The following EFHC2 variants were observed in gnomAD, a reference collection of about 807,000 sequenced individuals.
The protein encoded by EFHC2 is EF-hand domain-containing family member C2.
Under a neutral mutation model 52.7 loss-of-function variants are expected in EFHC2, and 18 were observed. That is an observed-to-expected ratio of 0.34 (90% CI 0.24 to 0.51). The LOEUF (loss-of-function observed/expected upper bound fraction) is 0.51. EFHC2 is among the 20% of genes least tolerant of loss of function. The pLI is 0.97. For missense variants in EFHC2, 513 were observed against 562.5 expected, an observed-to-expected ratio of 0.91 and a Z score of 0.89; for synonymous variants, 203 against 204.1, an observed-to-expected ratio of 0.99 and a Z score of 0.04.
intron 13 of EFHC2, among the ~76,000 whole-genome samples, chrX:44,169,689 G>A (rs1349187199): frequency 1.8e-5 from 2 of 108,928 alleles, no homozygotes; most frequent in African/African-American, 3.4e-5. Context: ...CCTATAGGGT[G>A]TTAAGCACAA....
In EFHC2 at chrX:44,261,284, G is replaced by A. The variant is rs1191681578; in HGVS notation, c.397C>T (p.Arg133Cys). 16 of 1,188,119 alleles carry A rather than the reference G, an allele frequency of 1.3e-5. No homozygotes were observed. Among genetic ancestry groups the A allele is most frequent in the Non-Finnish European group, 1.5e-5 (13 of 882,182 alleles). ...GGAGGCGGAAGAGTAATCCGATGAC[G>A]CCGGATAGAAGTCCCTATGGCATGA... is the stretch of plus-strand genomic sequence containing the variant. ...SGLLQGTSIR[R>C]HRITLPPPDE... The change falls in exon 4 of 15, where the codon CGT becomes TGT. Residue 133 changes from arginine to cysteine, a missense_variant. Physicochemically the swap from Arg to Cys is radical, Grantham distance 180. Coordinates refer to ENST00000420999, the MANE Select transcript of EFHC2 (RefSeq NM_025184.4).
intron 13 of EFHC2, among the ~76,000 whole-genome samples, chrX:44,174,659 G>A (rs1308885997): frequency 1.0e-5 from 1 of 99,537 alleles, no homozygotes; most frequent in Admixed American, 1.1e-4. Context: ...AAAGGGGGGG[G>A]GAGGGGGAAG....
At chrX:44,187,666 C>T (rs1160500702) in intron 11 of EFHC2, among the ~76,000 whole-genome samples, 1 of 111,181 alleles carries the variant, frequency 9.0e-6, no homozygotes, top group Non-Finnish European at 1.9e-5. Context: ...TGTGTGCCTG[C>T]AGTCCCAGCT....
At chrX:44,164,058 C>T in intron 13 of EFHC2, 31 bp from the exon 14 acceptor site, 7 of 947,396 alleles carry the variant, frequency 7.4e-6, no homozygotes, top group Non-Finnish European at 9.9e-6. Context: ...TATAATTTGA[C>T]TCAATCTGCA....
rs759044467 is a variant in EFHC2 at position 44,277,121 on chromosome X, TG to T, written c.232-4286del. Among the ~76,000 whole-genome samples the T allele has an allele frequency of 6.4e-5, 7 of 109,720 alleles. No homozygotes were observed. The Admixed American group carries it at 6.8e-4, about 11-fold the overall frequency. On this transcript the variant is annotated intron_variant, in intron 2 of 14. Transcript: ENST00000420999. ...AAAAATACAAAAAATTAGCCAGGTG[TG>T]GGGGCGGGTGCCCGTAGTCCCAGCT...
intron 2 of EFHC2, among the ~76,000 whole-genome samples, chrX:44,300,982 C>T (rs753478759): frequency 9.2e-6 from 1 of 108,737 alleles, no homozygotes; most frequent in Non-Finnish European, 1.9e-5. Flanking sequence ...TGGTGGCACA[C>T]GCCTGTAGTC....
chrX:44,232,761 G>T, intron 9 of EFHC2, 84 bp from the exon 10 acceptor site: 1 of 885,819 alleles, frequency 1.1e-6, no homozygotes, highest in Non-Finnish European at 1.6e-6. Context: ...TTATCTTCAA[G>T]CACAGACCAC....
At chrX:44,271,299 A>T (rs759999533) in intron 3 of EFHC2, among the ~76,000 whole-genome samples, 2 of 111,656 alleles carry the variant, frequency 1.8e-5, no homozygotes, top group African/African-American at 6.5e-5. Context: ...TCCTCTAGTC[A>T]ACAGATGAGG....
At chrX:44,219,414 T>C (rs1238404648) in intron 11 of EFHC2, among the ~76,000 whole-genome samples, 2 of 111,347 alleles carry the variant, frequency 1.8e-5, no homozygotes, top group African/African-American at 6.5e-5. Flanking sequence ...CATGCTAAAA[T>C]ATTTAGAGGG....
chrX:44,266,749 C>T (rs888323651), intron 3 of EFHC2, among the ~76,000 whole-genome samples: 1 of 111,145 alleles, frequency 9.0e-6, no homozygotes, highest in Non-Finnish European at 1.9e-5. Context: ...CATCTGGCAA[C>T]CTTCCCACCA....
In EFHC2 at chrX:44,312,574, A is replaced by G. The variant is rs759818878; in HGVS notation, c.225T>C (p.Asp75=). ...GSDVPSWVAF[D]KQVLSFDAYL... ...CCAGTGTCATGTGACTTACCTGTTTATCAAAGGCTACCCATGATGGTACAT... is the reference window on the plus strand; with the variant it reads ...CCAGTGTCATGTGACTTACCTGTTTGTCAAAGGCTACCCATGATGGTACAT... Residue 75 remains aspartate (D), a synonymous_variant, in exon 2 of 15, where the codon GAT becomes GAC. Transcript: ENST00000420999. 8.4e-7 allele frequency: 1 copy of G among 1,194,643 alleles called. No homozygotes were observed. The highest frequency in any genetic ancestry group is 1.1e-6 in the Non-Finnish European group (1 of 887,843).
chrX:44,248,161 T>C (rs998992347), intron 7 of EFHC2, 111 bp downstream of exon 7: 1 of 638,414 alleles, frequency 1.6e-6, no homozygotes, highest in African/African-American at 2.3e-5. Flanking sequence ...AAATGCACAA[T>C]AAGTGGTAGC....
chrX:44,307,949 T>A (rs942425267), intron 2 of EFHC2, among the ~76,000 whole-genome samples: 2 of 108,838 alleles, frequency 1.8e-5, no homozygotes, highest in African/African-American at 3.3e-5. Flanking sequence ...AAAAAAAAAA[T>A]TTTGTTTCGT....
At chrX:44,332,711 C>A (rs370184577) in intron 1 of EFHC2, among the ~76,000 whole-genome samples, 1 of 110,921 alleles carries the variant, frequency 9.0e-6, no homozygotes, top group Non-Finnish European at 1.9e-5. Context: ...CATAGACAAA[C>A]CTGCTGCTTC....
At chrX:44,251,431 C>T (rs1011664416) in intron 4 of EFHC2, among the ~76,000 whole-genome samples, 1 of 99,875 alleles carries the variant, frequency 1.0e-5, no homozygotes, top group Admixed American at 1.1e-4. Flanking sequence ...CTGGCTGTCT[C>T]TACTAAAAAT....
At chrX:44,149,128 AG>A (rs762835658) in intron 14 of EFHC2, among the ~76,000 whole-genome samples, 5 of 112,158 alleles carry the variant, frequency 4.5e-5, no homozygotes, top group African/African-American at 1.3e-4. Flanking sequence ...TGGAGTAAGA[AG>A]GGTATATTTT....
intron 1 of EFHC2, among the ~76,000 whole-genome samples, chrX:44,340,061 A>G (rs901838198): frequency 8.1e-5 from 9 of 111,606 alleles, no homozygotes; most frequent in African/African-American, 2.9e-4. Context: ...CATTGTTCTC[A>G]GGCATAAAGT....
chrX:44,194,991 G>A (rs1452993890), intron 11 of EFHC2, among the ~76,000 whole-genome samples: 2 of 112,199 alleles, frequency 1.8e-5, no homozygotes, highest in East Asian at 2.8e-4. Context: ...TGTGCCTCAA[G>A]GGGCAGTGAG....
chrX:44,149,091 T>C (rs1241929050), intron 14 of EFHC2, among the ~76,000 whole-genome samples, 195 bp from the exon 15 acceptor site: 4 of 112,356 alleles, frequency 3.6e-5, no homozygotes, highest in Non-Finnish European at 7.5e-5. Context: ...CCACACTCTT[T>C]GTCATATGAC....
Sources: allele counts gnomAD v4.1 joint callset (sites outside exome capture counted in the v4.1 genomes callset), GRCh38; gene constraint gnomAD v4.1.1; transcripts MANE v1.5; gene names NCBI Gene and HGNC (gene_info 2026-07-23, HGNC 2026-07-21).